Variants in CREG2 observed in about 807,000 individuals in gnomAD.
The protein encoded by CREG2 is cellular repressor of E1A stimulated genes 2, also known as protein CREG2.
Under a neutral mutation model 26.2 loss-of-function variants are expected in CREG2, and 24 were observed. The ratio of observed to expected loss-of-function variants is 0.92; its 90% confidence interval spans 0.66 to 1.29. The LOEUF (loss-of-function observed/expected upper bound fraction) is 1.29, where lower values mean the gene tolerates loss of function less well. CREG2 is among the 50% of genes most tolerant of loss of function. The pLI is 0.00. For synonymous variants in CREG2, 174 were observed against 169.2 expected (o/e 1.03, Z -0.22); for missense variants, 366 against 398.6 (o/e 0.92, Z 0.70).
chr2:101,353,100 GTTGT>G (rs1472085304), intron 3 of CREG2, among the ~76,000 whole-genome samples: 2 of 152,212 alleles, frequency 1.3e-5, no homozygotes, highest in Non-Finnish European at 1.5e-5. Flanking sequence ...TTTTGATGGG[GTTGT>G]TTGTTTTTCT....
At chr2:101,369,253 G>T (rs573847174) in intron 2 of CREG2, among the ~76,000 whole-genome samples, 1 of 152,196 alleles carries the variant, frequency 6.6e-6, no homozygotes, top group Non-Finnish European at 1.5e-5. Flanking sequence ...GGGCCAGGGG[G>T]TGGAGAGAAG....
chr2:101,380,347 A>G (rs971043093), intron 2 of CREG2, among the ~76,000 whole-genome samples: 1 of 152,208 alleles, frequency 6.6e-6, no homozygotes, highest in African/African-American at 2.4e-5. Flanking sequence ...GCTGGTGCAG[A>G]GTCTGCAGTA....
rs768068869 is a variant in CREG2 at position 101,387,436 on chromosome 2, G to A, written c.22C>T (p.Arg8Trp). The change falls in exon 1 of 4, where the codon CGG becomes TGG. Residue 8 changes from arginine to tryptophan, a missense_variant. Physicochemically the swap from Arg to Trp is moderately radical, Grantham distance 101 (BLOSUM62 -3). Around this residue, in one of 3 missense-constraint regions of CREG2, gnomAD observed 177 missense variants for 183.3 expected, o/e 0.97. Coordinates refer to ENST00000324768, the MANE Select transcript of CREG2 (RefSeq NM_153836.4). The surrounding 1 kb of genome is among the most constrained non-coding windows in gnomAD (Gnocchi z 4.7). MSVRRGR[R>W]PARPGTRLSW... ...AGGCGGGTCCCCGGCCGCGCCGGCC[G>A]CCGGCCGCGGCGCACGGACATCTTG... 1 of 1,239,484 alleles carries A rather than the reference G, an allele frequency of 8.1e-7. No individual in the cohort carries two copies. Among genetic ancestry groups the A allele is most frequent in the South Asian group, 2.9e-5 (1 of 34,236 alleles). The allele number at this position is 1,239,484 out of a possible 1,614,324, so 76.8% of individuals were successfully genotyped here. A position where few individuals can be genotyped will look rare whatever the true frequency, so the allele number is the denominator to read the frequency against.
At chr2:101,364,713 G>T (rs1318159379) in intron 2 of CREG2, among the ~76,000 whole-genome samples, 1 of 152,202 alleles carries the variant, frequency 6.6e-6, no homozygotes, top group African/African-American at 2.4e-5. Context: ...TGGCCACATG[G>T]TTTCCCTGGG....
At chr2:101,361,829 A>G (rs1462348661) in intron 2 of CREG2, among the ~76,000 whole-genome samples, 2 of 152,196 alleles carry the variant, frequency 1.3e-5, no homozygotes, top group African/African-American at 4.8e-5. Flanking sequence ...CAGCAAATGC[A>G]GCACCAGCTA....
rs376652424 is a variant in CREG2, at chr2:101,387,373, C to A, written c.85G>T (p.Ala29Ser). The A allele has an allele frequency of 3.8e-5, 55 of 1,450,944 alleles. No individual in the cohort carries two copies. In the African/African-American group the frequency reaches 7.8e-4, roughly 21 times the overall value. 89.9% of individuals were successfully genotyped at this position (1,450,944 alleles called of 1,614,324 possible). A position where few individuals can be genotyped will look rare whatever the true frequency, so the allele number is the denominator to read the frequency against. The change falls in exon 1 of 4, where the codon GCC (alanine) becomes TCC (serine). Residue 29 changes from alanine (A) to serine (S), a missense_variant. Transcript: ENST00000324768. The surrounding 1 kb of genome is among the most constrained non-coding windows in gnomAD (Gnocchi z 4.7). ...LLCCSALLSPAAGYVIVSSVS... is the reference protein window; with the variant it reads ...LLCCSALLSPSAGYVIVSSVS... ...GAGCTCACGATCACGTAGCCCGCGG[C>A]CGGGGACAGCAGGGCGCTGCAGCAC...
chr2:101,355,484 A>G, intron 2 of CREG2, 118 bp from the exon 3 acceptor site: 1 of 662,660 alleles, frequency 1.5e-6, no homozygotes, highest in Non-Finnish European at 2.7e-6. Context: ...CATTCAGGTT[A>G]TGGATATTCC....
chr2:101,375,250 T>C (rs555482755), intron 2 of CREG2, among the ~76,000 whole-genome samples: 53 of 152,288 alleles, frequency 3.5e-4, no homozygotes, highest in African/African-American at 9.1e-4. Context: ...CTAGGTCTCA[T>C]TGAGGCCCAC....
chr2:101,375,945 G>A (rs1573314236), intron 2 of CREG2: 1 of 169,312 alleles, frequency 5.9e-6, no homozygotes, highest in Non-Finnish European at 1.3e-5. Flanking sequence ...ATCTCAGAAG[G>A]CTGTCAAGGC....
chr2:101,353,594 C>T (rs1375577363), intron 3 of CREG2, among the ~76,000 whole-genome samples: 1 of 152,158 alleles, frequency 6.6e-6, no homozygotes, highest in Non-Finnish European at 1.5e-5. Flanking sequence ...TATCATTTGA[C>T]CCAGCCATCC....
chr2:101,387,080 G>A lies in CREG2; in HGVS notation c.378C>T (p.Thr126=). The A allele has an allele frequency of 3.2e-6, 4 of 1,233,972 alleles. No individual in the cohort carries two copies. The highest frequency in any genetic ancestry group is 4.0e-6 in the Non-Finnish European group (4 of 989,792). The allele number at this position is 1,233,972 out of a possible 1,614,324, so 76.4% of individuals were successfully genotyped here. The change falls in exon 1 of 4, where the codon ACC becomes ACT. Residue 126 remains threonine (T), a synonymous_variant. Coordinates refer to ENST00000324768, the MANE Select transcript of CREG2 (RefSeq NM_153836.4). The surrounding 1 kb of genome is among the most constrained non-coding windows in gnomAD (Gnocchi z 4.7). ...APPGPRLRAA[T]ARSLAHASVW... is the part of the protein sequence containing the mutation. Reference sequence around the variant, plus strand: ...CGCTGGCATGGGCCAGGGAGCGGGCGGTGGCGGCGCGCAGTCTAGGGCCCG... The same window carrying A: ...CGCTGGCATGGGCCAGGGAGCGGGCAGTGGCGGCGCGCAGTCTAGGGCCCG...
intron 2 of CREG2, among the ~76,000 whole-genome samples, chr2:101,357,993 A>G (rs1472262510): frequency 7.5e-6 from 1 of 133,626 alleles, no homozygotes; most frequent in South Asian, 2.5e-4. Context: ...AAAAAAAAAA[A>G]GCTAGGCTAC....
chr2:101,368,489 G>T (rs571048468), intron 2 of CREG2, among the ~76,000 whole-genome samples: 2 of 152,154 alleles, frequency 1.3e-5, no homozygotes, highest in East Asian at 3.9e-4. Flanking sequence ...GTTGAGGGCT[G>T]CAGACAGCAA....
At chr2:101,374,677 C>T (rs539757203) in intron 2 of CREG2, among the ~76,000 whole-genome samples, 14 of 152,190 alleles carry the variant, frequency 9.2e-5, no homozygotes, top group East Asian at 1.9e-4. Context: ...ACTGTGTGTT[C>T]GCTTGATCCA....
In CREG2 at chr2:101,359,527, T is replaced by C. The variant is rs189967432; in HGVS notation, c.612-4161A>G. 3.2e-3 allele frequency among the ~76,000 whole-genome samples: 489 copies of C among 152,302 alleles called. 16 individuals carry two copies. The highest frequency in any genetic ancestry group is 0.028 in the Admixed American group (429 of 15,296). On this transcript the variant is annotated intron_variant, in intron 2 of 3. Coordinates refer to ENST00000324768, the MANE Select transcript of CREG2 (RefSeq NM_153836.4). The stretch of plus-strand genomic sequence containing the variant: ...ACCAACTTCAGGTTTTTTCTATCTA[T>C]TGGGAGACTACCTTTCCCTGGCACT...
rs1432529416 is a variant in CREG2 at position 101,370,777 on chromosome 2, G to T, written c.611+12756C>A. Among the ~76,000 whole-genome samples, 7 of 152,150 alleles carry T rather than the reference G, an allele frequency of 4.6e-5. 1 individual carries two copies. The East Asian group carries it at 1.2e-3, about 25-fold the overall frequency. ...CCAAATGGTTCCAGAATCAAGCCCA[G>T]CAGGGTCAGGCTGGCCTCAGACCTG... On this transcript the variant is annotated intron_variant, in intron 2 of 3. Coordinates refer to ENST00000324768, the MANE Select transcript of CREG2 (RefSeq NM_153836.4).
intron 3 of CREG2, among the ~76,000 whole-genome samples, chr2:101,354,598 C>T (rs945225520): frequency 1.3e-5 from 2 of 152,130 alleles, no homozygotes; most frequent in South Asian, 2.1e-4. Context: ...CCTGCACTTC[C>T]GGCGGTCCCT....
chr2:101,367,397 G>A (rs1005658816), intron 2 of CREG2, among the ~76,000 whole-genome samples: 1 of 152,118 alleles, frequency 6.6e-6, no homozygotes, highest in Non-Finnish European at 1.5e-5. Flanking sequence ...TTCATCAATT[G>A]AATCTCACAT....
chr2:101,369,617 G>T (rs987495191), intron 2 of CREG2, among the ~76,000 whole-genome samples: 1 of 152,172 alleles, frequency 6.6e-6, no homozygotes, highest in Non-Finnish European at 1.5e-5. Context: ...TCTACAGGCC[G>T]ATAACTTGTA....
Sources: allele counts gnomAD v4.1 joint callset (sites outside exome capture counted in the v4.1 genomes callset), GRCh38; gene constraint gnomAD v4.1.1; regional missense constraint gnomAD v4.1.1; non-coding constraint Gnocchi (gnomAD v3.1); transcripts MANE v1.5; gene names NCBI Gene and HGNC (gene_info 2026-07-23, HGNC 2026-07-21).